AAK1: variants seen among roughly 807,000 people sequenced by gnomAD.
AAK1 encodes the protein AP2-associated protein kinase 1.
In AAK1, 37 loss-of-function variants were observed where a neutral mutation model predicts 116.0. That is an observed-to-expected ratio of 0.32 (90% confidence interval 0.25 to 0.42). The LOEUF is 0.42. AAK1 is among the 10% of genes least tolerant of loss of function. The pLI, the probability that AAK1 is intolerant of heterozygous loss-of-function variation, is 1.00. For synonymous variants in AAK1, 458 were observed against 439.9 expected (o/e 1.04, Z -0.51); for missense variants, 919 against 1,170.6 (o/e 0.79, Z 3.14).
At chr2:69,478,416 T>A (rs942866555) in intron 20 of AAK1, 4 of 152,536 alleles carry the variant, frequency 2.6e-5, no homozygotes, top group Non-Finnish European at 5.9e-5. Flanking sequence ...TAGGGCTTTT[T>A]TCAGATTTAA....
At position 69,480,978 on chromosome 2, in the gene AAK1, T is replaced by C; in HGVS notation, c.2468-17A>G. On this transcript the variant is annotated splice_polypyrimidine_tract_variant and intron_variant, in intron 18 of 21. Transcript: ENST00000409085. Reference sequence around the variant, plus strand: ...CAGCTTTTTCTTTCGTAACAGAGCATTAAGAAGAGGAAAGGGTAAGGGAAA... The same window carrying C: ...CAGCTTTTTCTTTCGTAACAGAGCACTAAGAAGAGGAAAGGGTAAGGGAAA... 6.3e-7 allele frequency: 1 copy of C among 1,578,544 alleles called. No individual in the cohort carries two copies. The highest frequency in any genetic ancestry group is 8.6e-7 in the Non-Finnish European group (1 of 1,159,230).
Position 69,458,497 on chromosome 2 carries a change from A to T in AAK1, c.*17372T>A, listed in dbSNP as rs1558874376. 1 of 152,644 alleles carries T rather than the reference A, an allele frequency of 6.6e-6. No individual in the cohort carries two copies. The highest frequency in any genetic ancestry group is 2.4e-5 in the African/African-American group (1 of 41,452). 9.5% of individuals were successfully genotyped at this position (152,644 alleles called of 1,614,324 possible). On this transcript the variant is annotated 3_prime_UTR_variant, in exon 22 of 22. Transcript: ENST00000409085. ...GAGTTTCATCCTTGTGGATAAGAAG[A>T]TGTGTACTTGGGAACAAGGCTAAAG...
chr2:69,531,670 T>C (rs1424736863), intron 6 of AAK1: 1 of 1,002,878 alleles, frequency 1.0e-6, no homozygotes, highest in African/African-American at 1.7e-5. Flanking sequence ...AAAAAGCACA[T>C]CTGTTTGACT....
At chr2:69,521,202 A>G (rs1669761637) in intron 10 of AAK1, among the ~76,000 whole-genome samples, 1 of 152,208 alleles carries the variant, frequency 6.6e-6, no homozygotes, top group Admixed American at 6.5e-5. Context: ...ACTGATCAAA[A>G]TATACTGAGT....
At chr2:69,602,971 A>G (rs1401325301) in intron 2 of AAK1, among the ~76,000 whole-genome samples, 2 of 152,238 alleles carry the variant, frequency 1.3e-5, no homozygotes, top group East Asian at 3.8e-4. Flanking sequence ...TTACTAGTAA[A>G]TTGAATCAGG....
chr2:69,556,648 C>G (rs936908528), intron 3 of AAK1, among the ~76,000 whole-genome samples: 1 of 125,382 alleles, frequency 8.0e-6, no homozygotes, highest in Admixed American at 8.5e-5. Context: ...AAAAACTGGT[C>G]AGTTCTCTCA....
intron 9 of AAK1, 59 bp downstream of exon 9, chr2:69,527,157 G>A: frequency 1.6e-6 from 2 of 1,240,574 alleles, no homozygotes; most frequent in Non-Finnish European, 2.3e-6. Context: ...TAACACCCCA[G>A]GAGCTCAAAA....
chr2:69,469,899 TCAG>T lies in AAK1; in HGVS notation c.*5967_*5969del. On this transcript the variant is annotated 3_prime_UTR_variant, in exon 22 of 22. Transcript: ENST00000409085. ...TTTGAGGCTCCAAATTATGTAGATT[TCAG>T]CAAGAACTCACATGCTTCAGGGAAG... The T allele has an allele frequency of 1.0e-6, 1 of 985,434 alleles. No homozygotes were observed. Among genetic ancestry groups the T allele is most frequent in the Non-Finnish European group, 1.2e-6 (1 of 829,934 alleles). 61.0% of individuals were successfully genotyped at this position (985,434 alleles called of 1,614,324 possible).
intron 2 of AAK1, among the ~76,000 whole-genome samples, chr2:69,627,495 A>G (rs1226355253): frequency 6.6e-6 from 1 of 152,190 alleles, no homozygotes. Flanking sequence ...AAAGCCAACC[A>G]AGGGAAGACA....
At chr2:69,620,784 G>C (rs1466030229) in intron 2 of AAK1, among the ~76,000 whole-genome samples, 3 of 152,084 alleles carry the variant, frequency 2.0e-5, no homozygotes, top group East Asian at 3.9e-4. Flanking sequence ...ATGTTGCTAA[G>C]CCTAAATTCC....
chr2:69,572,345 T>C (rs1411271372), intron 2 of AAK1, among the ~76,000 whole-genome samples: 1 of 152,160 alleles, frequency 6.6e-6, no homozygotes, highest in Non-Finnish European at 1.5e-5. Flanking sequence ...TTTAAAAAAC[T>C]GAGGCCAGGC....
At chr2:69,507,346 T>C in intron 15 of AAK1, 75 bp downstream of exon 15, 1 of 1,526,276 alleles carries the variant, frequency 6.6e-7, no homozygotes, top group South Asian at 1.3e-5. Flanking sequence ...GTTACGATTC[T>C]TTCTCATTCC....
rs762712633 is a variant in AAK1, at chr2:69,532,008, G to A, written c.656+33C>T. 10 of 1,610,220 alleles carry A rather than the reference G, an allele frequency of 6.2e-6. 1 individual carries two copies. The South Asian group carries it at 1.1e-4, about 18-fold the overall frequency. On this transcript the variant is annotated intron_variant, in intron 6 of 21. Coordinates refer to ENST00000409085, the MANE Select transcript of AAK1 (RefSeq NM_014911.5). ...AAGGTAAAGTTGCTCATCTGATTGT[G>A]GACAAAACTCCATGAAAGGAGAAAA...
At chr2:69,531,335 C>T (rs1305644543) in intron 6 of AAK1, among the ~76,000 whole-genome samples, 1 of 152,146 alleles carries the variant, frequency 6.6e-6, no homozygotes, top group East Asian at 1.9e-4. Flanking sequence ...TCCCTCAGGG[C>T]CTTGGGTCGA....
chr2:69,561,675 G>A (rs115017970), intron 2 of AAK1, among the ~76,000 whole-genome samples: 5,240 of 152,168 alleles, frequency 0.034, 298 homozygotes, highest in African/African-American at 0.12. Context: ...GTATATACCC[G>A]CACGAGTGGC....
chr2:69,532,327 G>C (rs1029775690), intron 5 of AAK1, among the ~76,000 whole-genome samples, 165 bp from the exon 6 acceptor site: 1 of 152,164 alleles, frequency 6.6e-6, no homozygotes, highest in Non-Finnish European at 1.5e-5. Context: ...CATCCCAAGT[G>C]GAACACAGGA....
intron 2 of AAK1, among the ~76,000 whole-genome samples, chr2:69,628,121 T>G (rs1674989466): frequency 6.6e-6 from 1 of 152,148 alleles, no homozygotes; most frequent in Non-Finnish European, 1.5e-5. Flanking sequence ...GTGAGGACCA[T>G]ACGTAGGCCA....
intron 2 of AAK1, among the ~76,000 whole-genome samples, chr2:69,592,034 A>G (rs77275824): frequency 0.013 from 2,018 of 152,270 alleles, 45 homozygotes; most frequent in African/African-American, 0.046. Context: ...AGAGGTCAAT[A>G]AGAGCAAATG....
chr2:69,603,875 A>G (rs958940672), intron 2 of AAK1, among the ~76,000 whole-genome samples: 1 of 152,190 alleles, frequency 6.6e-6, no homozygotes, highest in Admixed American at 6.5e-5. Context: ...CTCAGACATC[A>G]TTTGAGTCAT....
Sources: gnomAD v4.1 joint callset for allele counts (sites outside exome capture counted in the v4.1 genomes callset) on GRCh38, gnomAD v4.1.1 for gene constraint, MANE v1.5 for transcripts, NCBI Gene and HGNC (gene_info 2026-07-23, HGNC 2026-07-21) for gene names.